VAT1L: variants seen among roughly 807,000 people sequenced by gnomAD.
VAT1L encodes the protein putative NADPH-dependent quinone oxidoreductase VAT1L.
Under a neutral mutation model 44.1 loss-of-function variants are expected in VAT1L, and 34 were observed. The observed-to-expected ratio is 0.77, with a 90% CI of 0.59 to 1.03. VAT1L has a LOEUF of 1.03. Among genes scored for constraint, VAT1L ranks in the 50% least tolerant of loss-of-function variants. The pLI is 0.00. For missense variants in VAT1L, 615 were observed against 538.8 expected (o/e 1.14, Z -1.40); for synonymous variants, 253 against 202.2 (o/e 1.25, Z -2.13).
chr16:77,802,310 G>C (rs1171920752), intron 1 of VAT1L, among the ~76,000 whole-genome samples: 1 of 152,062 alleles, frequency 6.6e-6, no homozygotes, highest in South Asian at 2.1e-4. Context: ...TGAAAGTCTT[G>C]AGTCCCTTAG....
rs1194831294 is a variant in VAT1L, at chr16:77,876,406, C to A, written c.759C>A (p.Cys253Ter). Residue 253 changes from cysteine to a stop codon, truncating the protein, a stop_gained, in exon 5 of 9, where the codon TGC (cysteine) becomes TGA (stop). Coordinates refer to ENST00000302536, the MANE Select transcript of VAT1L (RefSeq NM_020927.3). LOFTEE classifies it high-confidence loss of function. ...SAEGVDIVLD[C>*]LCGDNTGKGL... ...AAGGTGTGGACATCGTTTTGGATTG[C>A]CTCTGTGGGGACAACACTGGAAAAG... 6.2e-7 allele frequency: 1 copy of A among 1,614,176 alleles called. No individual in the cohort carries two copies.
At chr16:77,815,513 G>C (rs1319032898) in intron 1 of VAT1L, among the ~76,000 whole-genome samples, 1 of 152,152 alleles carries the variant, frequency 6.6e-6, no homozygotes. Flanking sequence ...CTTTGAGAAG[G>C]TGGTGAGTTT....
chr16:77,921,413 G>C (rs1013119694), intron 7 of VAT1L, among the ~76,000 whole-genome samples: 1 of 152,108 alleles, frequency 6.6e-6, no homozygotes, highest in African/African-American at 2.4e-5. Context: ...TCTCCTTTAG[G>C]AGAACCCATG....
intron 1 of VAT1L, among the ~76,000 whole-genome samples, chr16:77,813,761 T>C (rs1182276184): frequency 6.6e-6 from 1 of 152,244 alleles, no homozygotes; most frequent in East Asian, 1.9e-4. Context: ...TTCATAGTTT[T>C]ACAGAGAACA....
At chr16:77,975,799 C>T (rs1309851060) in intron 8 of VAT1L, among the ~76,000 whole-genome samples, 2 of 152,212 alleles carry the variant, frequency 1.3e-5, no homozygotes, top group African/African-American at 4.8e-5. Context: ...TGCCTCCAGA[C>T]CCCACAGTAC....
intron 5 of VAT1L, among the ~76,000 whole-genome samples, chr16:77,877,276 C>T (rs1358713117): frequency 1.3e-5 from 2 of 151,858 alleles, no homozygotes; most frequent in African/African-American, 4.8e-5. Context: ...TTTGGGAGGC[C>T]GAGGCGGGCG....
chr16:77,927,659 T>G lies in VAT1L; in HGVS notation c.1077+42857T>G, dbSNP rs556345596. Among the ~76,000 whole-genome samples, 446 of 151,924 alleles carry G rather than the reference T, an allele frequency of 2.9e-3. 6 individuals are homozygous for G. Among genetic ancestry groups the G allele is most frequent in the African/African-American group, 0.01 (424 of 41,432 alleles). On this transcript the variant is annotated intron_variant, in intron 7 of 8. Transcript: ENST00000302536. ...TTGGGAGGCTGAGGTGGGCGGATCA[T>G]GAGGTCAGGAGTTCGAGACCATCCT...
intron 7 of VAT1L, among the ~76,000 whole-genome samples, chr16:77,959,256 A>G (rs944749301): frequency 6.6e-6 from 1 of 152,188 alleles, no homozygotes; most frequent in African/African-American, 2.4e-5. Flanking sequence ...CTGACATTCT[A>G]CTTTTCCAGT....
At chr16:77,847,158 C>T (rs545174150) in intron 3 of VAT1L, among the ~76,000 whole-genome samples, 1 of 151,686 alleles carries the variant, frequency 6.6e-6, no homozygotes, top group South Asian at 2.1e-4. Context: ...AGAGTTTTTG[C>T]TGCTCTTGGA....
At chr16:77,924,623 C>A (rs1170743604) in intron 7 of VAT1L, among the ~76,000 whole-genome samples, 2 of 152,068 alleles carry the variant, frequency 1.3e-5, no homozygotes, top group Admixed American at 6.6e-5. Context: ...ACCACACCCA[C>A]CTAATTTTTT....
Position 77,971,676 on chromosome 16 carries a change from T to C in VAT1L, c.1078-174T>C, listed in dbSNP as rs75670527. Among the ~76,000 whole-genome samples the C allele has an allele frequency of 2.0e-4, 31 of 152,278 alleles. No individual in the cohort carries two copies. In the East Asian group the frequency reaches 5.6e-3, roughly 28 times the overall value. ...TTTGCACAAGATCAGTGTGTGTGAA[T>C]GGCCCAACCAGAATGTAGTTGCACC... On this transcript the variant is annotated intron_variant, in intron 7 of 8. Transcript: ENST00000302536.
intron 5 of VAT1L, 127 bp downstream of exon 5, chr16:77,876,600 A>G: frequency 4.0e-6 from 3 of 746,160 alleles, no homozygotes; most frequent in Non-Finnish European, 6.8e-6. Context: ...TTCATTTTTT[A>G]ATGTTTCCTA....
Position 77,978,693 on chromosome 16 carries a change from A to T in VAT1L, c.*998A>T, listed in dbSNP as rs181776039. 40 of 152,328 alleles carry T rather than the reference A, an allele frequency of 2.6e-4. No homozygotes were observed. The highest frequency in any genetic ancestry group is 9.6e-4 in the African/African-American group (40 of 41,566). 9.4% of individuals were successfully genotyped at this position (152,328 alleles called of 1,614,324 possible). On this transcript the variant is annotated 3_prime_UTR_variant, in exon 9 of 9. Transcript: ENST00000302536. ...AACATGTAACAAACTCTAGGGATAC[A>T]AAAGGTTTATATTCAGCATCTGATG... is the stretch of plus-strand genomic sequence containing the variant.
At chr16:77,800,029 C>T (rs970216450) in intron 1 of VAT1L, 2 of 152,214 alleles carry the variant, frequency 1.3e-5, no homozygotes, top group African/African-American at 4.8e-5. Flanking sequence ...AGCTTCCCTT[C>T]CTCATCTCAG....
chr16:77,882,630 A>T (rs2017167093), intron 6 of VAT1L, among the ~76,000 whole-genome samples: 1 of 152,238 alleles, frequency 6.6e-6, no homozygotes, highest in African/African-American at 2.4e-5. Context: ...CAAAGCTGAG[A>T]TTCAAAACTA....
intron 5 of VAT1L, among the ~76,000 whole-genome samples, chr16:77,878,373 A>T (rs1294773413): frequency 2.0e-5 from 3 of 152,054 alleles, no homozygotes; most frequent in African/African-American, 7.2e-5. Flanking sequence ...ATTACTCCAA[A>T]ATCTTTGAAG....
At chr16:77,931,255 C>A (rs930638202) in intron 7 of VAT1L, among the ~76,000 whole-genome samples, 5 of 152,090 alleles carry the variant, frequency 3.3e-5, no homozygotes, top group African/African-American at 1.2e-4. Flanking sequence ...ACGTCAGCAC[C>A]CTCAGAATGA....
intron 7 of VAT1L, among the ~76,000 whole-genome samples, chr16:77,949,246 AGG>A (rs1005100126): frequency 6.6e-6 from 1 of 152,190 alleles, no homozygotes; most frequent in Admixed American, 6.5e-5. Context: ...TGCCTGCAGC[AGG>A]GAGATGTCCT....
intron 3 of VAT1L, among the ~76,000 whole-genome samples, chr16:77,848,993 G>C (rs1180370509): frequency 6.6e-6 from 1 of 152,148 alleles, no homozygotes; most frequent in African/African-American, 2.4e-5. Flanking sequence ...TGAACAATGA[G>C]AACACATGGA....
Sources: gnomAD v4.1 joint callset for allele counts (sites outside exome capture counted in the v4.1 genomes callset) on GRCh38, gnomAD v4.1.1 for gene constraint, MANE v1.5 for transcripts, NCBI Gene and HGNC (gene_info 2026-07-23, HGNC 2026-07-21) for gene names.